PDE11A: variants seen among roughly 807,000 people sequenced by gnomAD.
PDE11A encodes phosphodiesterase 11A, also known as dual 3',5'-cyclic-AMP and -GMP phosphodiesterase 11A.
In PDE11A, 100 loss-of-function variants were observed where a neutral mutation model predicts 100.5. That is an observed-to-expected ratio of 1.00 (90% CI 0.85 to 1.18). The LOEUF (loss-of-function observed/expected upper bound fraction) is 1.18. PDE11A is among the 50% of genes most tolerant of loss of function. The pLI, the probability that PDE11A is intolerant of heterozygous loss-of-function variation, is 0.00. For synonymous variants in PDE11A, 381 were observed against 420.8 expected (o/e 0.91, Z 1.16); for missense variants, 1,141 against 1,152.6 (o/e 0.99, Z 0.15).
intron 19 of PDE11A, among the ~76,000 whole-genome samples, chr2:177,634,221 A>C (rs61570618): frequency 0.096 from 14,675 of 152,112 alleles, 867 homozygotes; most frequent in East Asian, 0.19. Flanking sequence ...GAATAAAGAA[A>C]TTGGGGAGGG....
chr2:177,745,610 A>C (rs1009081948), intron 10 of PDE11A, among the ~76,000 whole-genome samples: 2 of 152,196 alleles, frequency 1.3e-5, no homozygotes, highest in East Asian at 3.9e-4. Flanking sequence ...AGCAAAGCCC[A>C]GGTCCTGAAG....
chr2:178,055,968 T>C (rs759929506), intron 1 of PDE11A, among the ~76,000 whole-genome samples: 7 of 152,130 alleles, frequency 4.6e-5, no homozygotes, highest in Non-Finnish European at 1.0e-4. Flanking sequence ...CCAGGGATTA[T>C]GTTCTGCTAA....
chr2:178,094,271 G>A (rs1485566668), intron 2 of PDE11A, among the ~76,000 whole-genome samples: 2 of 152,140 alleles, frequency 1.3e-5, no homozygotes, highest in African/African-American at 4.8e-5. Flanking sequence ...GCTCACACCT[G>A]CAATCCCAGC....
At chr2:177,938,690 C>T (rs544757091) in intron 2 of PDE11A, among the ~76,000 whole-genome samples, 1 of 151,302 alleles carries the variant, frequency 6.6e-6, no homozygotes, top group African/African-American at 2.4e-5. Flanking sequence ...AGTGTAGATT[C>T]CTATTAAAAA....
intron 6 of PDE11A, among the ~76,000 whole-genome samples, chr2:177,827,455 T>A (rs562200485): frequency 5.8e-4 from 89 of 152,370 alleles, no homozygotes; most frequent in African/African-American, 2.0e-3. Context: ...CTTTGCTGAA[T>A]GAACCTTTTC....
At chr2:177,677,257 C>G (rs919206958) in intron 16 of PDE11A, among the ~76,000 whole-genome samples, 1 of 152,146 alleles carries the variant, frequency 6.6e-6, no homozygotes, top group African/African-American at 2.4e-5. Context: ...GGGTGACTGA[C>G]TCAGTCTCTA....
At chr2:177,894,586 C>T (rs760440750) in intron 4 of PDE11A, among the ~76,000 whole-genome samples, 4 of 152,056 alleles carry the variant, frequency 2.6e-5, no homozygotes, top group East Asian at 3.9e-4. Context: ...ATTCACCCTC[C>T]GTTTTGGAGT....
chr2:177,955,522 T>C lies in PDE11A; in HGVS notation c.1072-50335A>G, dbSNP rs2085550621. Among the ~76,000 whole-genome samples, 4 of 152,202 alleles carry C rather than the reference T, an allele frequency of 2.6e-5. No homozygotes were observed. The South Asian group carries it at 8.3e-4, about 31-fold the overall frequency. ...AGTATTCTAGGACAGTGCTTCCCAA[T>C]TAATGTGTCTAAGAGACATTGAAGA... On this transcript the variant is annotated intron_variant, in intron 2 of 19. Coordinates refer to ENST00000286063, the MANE Select transcript of PDE11A (RefSeq NM_016953.4).
At position 177,723,185 on chromosome 2, in the gene PDE11A, G is replaced by A. The variant is rs151237203; in HGVS notation, c.2043+4473C>T. 5.3e-5 allele frequency: 8 copies of A among 152,260 alleles called. No individual in the cohort carries two copies. In the East Asian group the frequency reaches 1.5e-3, roughly 29 times the overall value. 9.4% of individuals were successfully genotyped at this position (152,260 alleles called of 1,614,324 possible). On this transcript the variant is annotated intron_variant, in intron 12 of 19. Coordinates refer to ENST00000286063, the MANE Select transcript of PDE11A (RefSeq NM_016953.4). ...TTCTGGAAACTGCAGTCAGAGGACA[G>A]AACATCAGCCTCAAGCTGGTAAATA... is the stretch of plus-strand genomic sequence containing the variant.
intron 2 of PDE11A, among the ~76,000 whole-genome samples, chr2:178,101,525 C>T (rs1434307644): frequency 6.6e-6 from 1 of 152,204 alleles, no homozygotes; most frequent in African/African-American, 2.4e-5. Context: ...CCTCCAACCC[C>T]CTTTCTGTTC....
At chr2:177,750,138 C>T (rs1476838261) in intron 10 of PDE11A, among the ~76,000 whole-genome samples, 1 of 152,162 alleles carries the variant, frequency 6.6e-6, no homozygotes, top group Non-Finnish European at 1.5e-5. Flanking sequence ...ATTGTCAGTT[C>T]GGTTTTATTT....
intron 19 of PDE11A, among the ~76,000 whole-genome samples, chr2:177,659,029 C>A (rs1040966551): frequency 6.6e-6 from 1 of 151,924 alleles, no homozygotes; most frequent in Non-Finnish European, 1.5e-5. Context: ...GAGGCTGAGG[C>A]CTGTGGATCA....
At chr2:177,901,882 A>G (rs2084703067) in intron 3 of PDE11A, among the ~76,000 whole-genome samples, 1 of 152,240 alleles carries the variant, frequency 6.6e-6, no homozygotes, top group Admixed American at 6.5e-5. Context: ...ATATACAAGA[A>G]TATTTATCTC....
intron 2 of PDE11A, among the ~76,000 whole-genome samples, chr2:177,945,389 A>C (rs1239155564): frequency 7.7e-6 from 1 of 129,292 alleles, no homozygotes; most frequent in Non-Finnish European, 1.7e-5. Context: ...GCCTCTTCCC[A>C]GCCGCCATCA....
At position 177,840,403 on chromosome 2, in the gene PDE11A, G is replaced by GAAGA; in HGVS notation, c.1368-21_1368-20insTCTT. The GAAGA allele has an allele frequency of 5.0e-6, 8 of 1,612,168 alleles. No homozygotes were observed. Among genetic ancestry groups the GAAGA allele is most frequent in the Non-Finnish European group, 6.8e-6 (8 of 1,178,498 alleles). On this transcript the variant is annotated intron_variant, in intron 5 of 19. Transcript: ENST00000286063. ...TTGAAACTATCAGAGCACCAAGGTAGGCAGGAAGAAAAGAGAGAAACGTAA... is the reference window on the plus strand; with the variant it reads ...TTGAAACTATCAGAGCACCAAGGTAGAAGAGCAGGAAGAAAAGAGAGAAACGTAA...
intron 2 of PDE11A, among the ~76,000 whole-genome samples, chr2:177,995,616 G>A (rs2086061319): frequency 1.3e-5 from 2 of 150,270 alleles, no homozygotes; most frequent in Admixed American, 6.8e-5. Flanking sequence ...TACTAAAAAT[G>A]CCCATGACAT....
intron 2 of PDE11A, among the ~76,000 whole-genome samples, chr2:177,969,468 C>A (rs1200820031): frequency 6.6e-6 from 1 of 151,958 alleles, no homozygotes; most frequent in Non-Finnish European, 1.5e-5. Context: ...TGCATTATAC[C>A]CATAATTTCA....
intron 2 of PDE11A, among the ~76,000 whole-genome samples, chr2:177,929,896 A>T (rs975315610): frequency 7.2e-5 from 11 of 152,222 alleles, no homozygotes; most frequent in South Asian, 6.2e-4. Context: ...CTACCATTGT[A>T]TAAGTTATTT....
At chr2:177,797,072 G>A (rs986220870) in intron 9 of PDE11A, 1 of 152,176 alleles carries the variant, frequency 6.6e-6, no homozygotes, top group Non-Finnish European at 1.5e-5. Context: ...TTAAATCAAT[G>A]GGCAAGTCTT....
Sources: gnomAD v4.1 joint callset for allele counts (sites outside exome capture counted in the v4.1 genomes callset) on GRCh38, gnomAD v4.1.1 for gene constraint, MANE v1.5 for transcripts, NCBI Gene and HGNC (gene_info 2026-07-23, HGNC 2026-07-21) for gene names.